UBE3D: variants seen among roughly 807,000 people sequenced by gnomAD.
UBE3D encodes E3 ubiquitin-protein ligase E3D.
In UBE3D, 48 loss-of-function variants were observed where a neutral mutation model predicts 49.6. That is an observed-to-expected ratio of 0.97 (90% confidence interval 0.77 to 1.23). The LOEUF is 1.23. Ranked by LOEUF, UBE3D falls within the 50% of genes most tolerant of loss-of-function variation. The pLI is 0.00. For synonymous variants in UBE3D, 189 were observed against 174.2 expected, an observed-to-expected ratio of 1.08 and a Z score of -0.67; for missense variants, 452 against 468.4, an observed-to-expected ratio of 0.96 and a Z score of 0.32.
intron 9 of UBE3D, among the ~76,000 whole-genome samples, chr6:82,941,386 A>G (rs1440195029): frequency 6.6e-6 from 1 of 152,020 alleles, no homozygotes; most frequent in Non-Finnish European, 1.5e-5. Context: ...CCAGAGATGA[A>G]AGTGGAATAT....
intron 9 of UBE3D, among the ~76,000 whole-genome samples, chr6:82,931,915 A>C (rs1193650326): frequency 6.6e-6 from 1 of 152,112 alleles, no homozygotes; most frequent in Non-Finnish European, 1.5e-5. Flanking sequence ...TAGTTACCAT[A>C]ATCTCCACAT....
downstream of UBE3D, among the ~76,000 whole-genome samples, chr6:82,890,500 TTA>T (rs747412287): frequency 4.6e-5 from 7 of 152,158 alleles, no homozygotes; most frequent in Non-Finnish European, 1.0e-4. Context: ...ATGACAAGAT[TTA>T]TGTGATTCAT....
intron 9 of UBE3D, among the ~76,000 whole-genome samples, chr6:82,920,345 A>G (rs1319440891): frequency 6.6e-6 from 1 of 152,242 alleles, no homozygotes; most frequent in Non-Finnish European, 1.5e-5. Flanking sequence ...GTAAGAGACA[A>G]GGTAAATTGG....
chr6:83,034,612 G>C (rs2127796630), intron 5 of UBE3D, among the ~76,000 whole-genome samples: 1 of 152,210 alleles, frequency 6.6e-6, no homozygotes, highest in Non-Finnish European at 1.5e-5. Flanking sequence ...TCTCACGATA[G>C]AGTTATCACA....
chr6:82,959,051 G>C (rs1582468543), intron 8 of UBE3D, among the ~76,000 whole-genome samples: 2 of 152,024 alleles, frequency 1.3e-5, no homozygotes, highest in African/African-American at 4.8e-5. Flanking sequence ...TCCAAGTCTT[G>C]GGTGATAAGC....
At chr6:82,914,336 T>C (rs1562078232) in intron 9 of UBE3D, among the ~76,000 whole-genome samples, 2 of 152,122 alleles carry the variant, frequency 1.3e-5, no homozygotes, top group Non-Finnish European at 2.9e-5. Context: ...TGCACTCTTT[T>C]AAAGGAATAG....
chr6:82,977,113 C>CAAAAAAAAAAAAAAAA (rs58424434), intron 8 of UBE3D, among the ~76,000 whole-genome samples: 4 of 42,582 alleles, frequency 9.4e-5, no homozygotes, highest in African/African-American at 4.5e-4. Flanking sequence ...GACTCCATCT[C>CAAAAAAAAAAAAAAAA]AAAAAAAAAA....
At chr6:83,053,664 A>T (rs950315026) in intron 3 of UBE3D, among the ~76,000 whole-genome samples, 1 of 152,256 alleles carries the variant, frequency 6.6e-6, no homozygotes, top group Admixed American at 6.5e-5. Flanking sequence ...TAACCTAATC[A>T]TTGACAAAAG....
chr6:83,060,978 T>A (rs1346745975), intron 1 of UBE3D, among the ~76,000 whole-genome samples: 1 of 152,094 alleles, frequency 6.6e-6, no homozygotes. Flanking sequence ...CAATTACTGA[T>A]TATGAAGAGA....
chr6:82,918,314 C>T (rs1432458960), intron 9 of UBE3D, among the ~76,000 whole-genome samples: 1 of 151,444 alleles, frequency 6.6e-6, no homozygotes, highest in Admixed American at 6.6e-5. Context: ...AAAAATAAAC[C>T]CTTTCATTTC....
chr6:82,953,239 T>C (rs1318921881), intron 9 of UBE3D, among the ~76,000 whole-genome samples: 2 of 152,210 alleles, frequency 1.3e-5, no homozygotes, highest in African/African-American at 2.4e-5. Context: ...GCACAAAAGT[T>C]GGGCATCATT....
chr6:82,973,551 T>C (rs1777501410), intron 8 of UBE3D, among the ~76,000 whole-genome samples: 1 of 126,536 alleles, frequency 7.9e-6, no homozygotes, highest in Non-Finnish European at 1.7e-5. Context: ...TATTTTTTAT[T>C]AAAAATGATA....
At position 83,016,567 on chromosome 6, in the gene UBE3D, A is replaced by ACT. The variant is rs577768939; in HGVS notation, c.1010+2405_1010+2406insAG. On this transcript the variant is annotated intron_variant, in intron 8 of 9. Transcript: ENST00000369747. ...CCTGGTACCAAAATCTGTATTAGTC[A>ACT]GGGCTCTCTAGAGGGACGGAACTAA... Among the ~76,000 whole-genome samples the ACT allele has an allele frequency of 2.1e-3, 323 of 152,210 alleles. 1 individual carries two copies. Among genetic ancestry groups the ACT allele is most frequent in the Non-Finnish European group, 3.3e-3 (227 of 68,004 alleles).
chr6:82,997,506 T>C (rs1052128640), intron 8 of UBE3D, among the ~76,000 whole-genome samples: 13 of 151,846 alleles, frequency 8.6e-5, no homozygotes, highest in Non-Finnish European at 1.6e-4. Context: ...GATCACAAGG[T>C]CAGGAGATCG....
At chr6:82,910,529 A>T (rs1218665789) in intron 9 of UBE3D, among the ~76,000 whole-genome samples, 1 of 152,122 alleles carries the variant, frequency 6.6e-6, no homozygotes, top group Non-Finnish European at 1.5e-5. Context: ...CTGCTCTTTA[A>T]AACTTTGCTC....
chr6:82,885,223 TG>T, the UBE3D span, among the ~76,000 whole-genome samples: 1 of 152,148 alleles, frequency 6.6e-6, no homozygotes, highest in South Asian at 2.1e-4. Context: ...TTTTTGGAAT[TG>T]GGAAACCTCT....
chr6:82,887,847 T>C (rs1770917573), downstream of UBE3D, among the ~76,000 whole-genome samples: 1 of 152,118 alleles, frequency 6.6e-6, no homozygotes, highest in Admixed American at 6.5e-5. Context: ...AAGTTTCAAG[T>C]GAAGGGGTCA....
chr6:82,890,992 T>C (rs1770968667), downstream of UBE3D, among the ~76,000 whole-genome samples: 2 of 151,296 alleles, frequency 1.3e-5, no homozygotes, highest in South Asian at 4.2e-4. Flanking sequence ...ATTAGACCGA[T>C]ACAAACTGAA....
At chr6:82,949,368 A>C (rs895742614) in intron 9 of UBE3D, among the ~76,000 whole-genome samples, 1 of 152,066 alleles carries the variant, frequency 6.6e-6, no homozygotes, top group African/African-American at 2.4e-5. Flanking sequence ...AAATTGAAGA[A>C]GACACAAAAA....
Sources: allele counts gnomAD v4.1 joint callset (sites outside exome capture counted in the v4.1 genomes callset), GRCh38; gene constraint gnomAD v4.1.1; transcripts MANE v1.5; gene names NCBI Gene and HGNC (gene_info 2026-07-23, HGNC 2026-07-21).